RXRA: variants seen among roughly 807,000 people sequenced by gnomAD.
The protein encoded by RXRA is retinoid X receptor alpha.
A neutral mutation model predicts 44.5 loss-of-function variants in RXRA; 5 were observed. The ratio of observed to expected loss-of-function variants is 0.11; its 90% CI spans 0.06 to 0.24. The LOEUF is 0.24. RXRA is among the 10% of genes least tolerant of loss of function. The probability of loss-of-function intolerance (pLI) is 1.00; values close to 1 mark genes in which losing one functional copy is unlikely to be tolerated. For missense variants in RXRA, 412 were observed against 646.5 expected, an observed-to-expected ratio of 0.64 and a Z score of 3.93; for synonymous variants, 291 against 271.4, an observed-to-expected ratio of 1.07 and a Z score of -0.71.
chr9:134,420,188 C>T (rs1002429459), intron 5 of RXRA, among the ~76,000 whole-genome samples: 2 of 152,236 alleles, frequency 1.3e-5, no homozygotes, highest in Admixed American at 1.3e-4. Context: ...CCCTGCCAGG[C>T]CTGCTTCATC....
intron 1 of RXRA, among the ~76,000 whole-genome samples, chr9:134,335,492 AG>A (rs1401803130): frequency 6.6e-6 from 1 of 152,166 alleles, no homozygotes; most frequent in Non-Finnish European, 1.5e-5. Context: ...GGGCGTAAGT[AG>A]GGGCTTCCCT....
chr9:134,378,712 G>C (rs1025059036), intron 1 of RXRA, among the ~76,000 whole-genome samples: 1 of 152,174 alleles, frequency 6.6e-6, no homozygotes, highest in Non-Finnish European at 1.5e-5. Context: ...TGGGCAGCGC[G>C]TGCCGTCCGG....
chr9:134,368,875 ATG>A (rs1377347555), intron 1 of RXRA, among the ~76,000 whole-genome samples: 2 of 83,910 alleles, frequency 2.4e-5, no homozygotes, highest in Non-Finnish European at 4.4e-5. Context: ...TGCAGGGGTT[ATG>A]TGTGTGAGTG....
intron 1 of RXRA, among the ~76,000 whole-genome samples, chr9:134,348,935 T>C (rs1047150918): frequency 2.6e-5 from 4 of 152,232 alleles, no homozygotes; most frequent in Admixed American, 2.0e-4. Flanking sequence ...ACACCAGCTC[T>C]GTACCACCTG....
At chr9:134,396,062 A>G (rs1018045913) in intron 1 of RXRA, among the ~76,000 whole-genome samples, 1 of 152,066 alleles carries the variant, frequency 6.6e-6, no homozygotes, top group Non-Finnish European at 1.5e-5. Flanking sequence ...CGTAGGGCCC[A>G]TCTTCAACAA....
chr9:134,420,871 C>G (rs1458753295), intron 5 of RXRA, among the ~76,000 whole-genome samples: 1 of 152,226 alleles, frequency 6.6e-6, no homozygotes, highest in Non-Finnish European at 1.5e-5. Context: ...TGAATGGCCC[C>G]CTTCCGGCTA....
chr9:134,354,365 G>A (rs540473618), intron 1 of RXRA, among the ~76,000 whole-genome samples: 81 of 152,346 alleles, frequency 5.3e-4, no homozygotes, highest in African/African-American at 1.8e-3. Context: ...TGGCTCTTCT[G>A]GGTCCCCCTC....
chr9:134,430,864 T>G (rs35180144), intron 7 of RXRA, among the ~76,000 whole-genome samples: 11,634 of 152,300 alleles, frequency 0.076, 448 homozygotes, highest in South Asian at 0.097. Context: ...TTTCCTCGCC[T>G]TTTTTGCGAG....
intron 1 of RXRA, among the ~76,000 whole-genome samples, chr9:134,376,407 CG>C (rs1830558184): frequency 6.6e-6 from 1 of 152,204 alleles, no homozygotes; most frequent in Admixed American, 6.5e-5. Flanking sequence ...CATTCCTTCG[CG>C]GGGGCAGAGG....
At chr9:134,396,447 G>A (rs1830880591) in intron 1 of RXRA, among the ~76,000 whole-genome samples, 2 of 152,150 alleles carry the variant, frequency 1.3e-5, no homozygotes, top group East Asian at 1.9e-4. Context: ...GGTGGGGGCT[G>A]GAGGTGGGTG....
chr9:134,326,611 G>C lies in RXRA; in HGVS notation c.-21G>C. The C allele has an allele frequency of 1.0e-6, 1 of 958,228 alleles. No individual in the cohort carries two copies. Among genetic ancestry groups the C allele is most frequent in the Non-Finnish European group, 1.2e-6 (1 of 809,998 alleles). 59.4% of individuals were successfully genotyped at this position (958,228 alleles called of 1,614,324 possible). ...CCGCCCGCTGCCTGCGCCGCCGGCC[G>C]GGCATGAGTTAGTCGCAGACATGGA... On this transcript the variant is annotated 5_prime_UTR_variant, in exon 1 of 10. Coordinates refer to ENST00000481739, the MANE Select transcript of RXRA (RefSeq NM_002957.6).
In RXRA at chr9:134,434,163, C is replaced by G; in HGVS notation, c.1197C>G (p.Ser399=). ...CGCTGAGGGAGAAGGTCTATGCGTC[C>G]TTGGAGGCCTACTGCAAGCACAAGT... ...VEALREKVYA[S]LEAYCKHKYP... The change falls in exon 9 of 10, where the codon TCC becomes TCG. Residue 399 remains serine, a synonymous_variant. Coordinates refer to ENST00000481739, the MANE Select transcript of RXRA (RefSeq NM_002957.6). 6.2e-7 allele frequency: 1 copy of G among 1,613,862 alleles called. No homozygotes were observed. Among genetic ancestry groups the G allele is most frequent in the Non-Finnish European group, 8.5e-7 (1 of 1,179,898 alleles).
rs141695350 is a variant in RXRA at position 134,431,550 on chromosome 9, G to A, written c.1044-355G>A. Among the ~76,000 whole-genome samples, 5 of 152,322 alleles carry A rather than the reference G, an allele frequency of 3.3e-5. No homozygotes were observed. In the East Asian group the frequency reaches 9.7e-4, roughly 29 times the overall value. The stretch of plus-strand genomic sequence containing the variant: ...GACAGTGGTGTGTCTCACTGGGTTC[G>A]GGAGGGGTGGACTCTGTGCCCTCTG... On this transcript the variant is annotated intron_variant, in intron 7 of 9. Coordinates refer to ENST00000481739, the MANE Select transcript of RXRA (RefSeq NM_002957.6).
chr9:134,422,788 C>G (rs1470424902), intron 6 of RXRA: 4 of 985,350 alleles, frequency 4.1e-6, no homozygotes, highest in Non-Finnish European at 2.4e-6. Context: ...CATGCGGGGT[C>G]TCTCAGTGGC....
chr9:134,393,230 G>A (rs1337544197), intron 1 of RXRA, among the ~76,000 whole-genome samples: 1 of 151,532 alleles, frequency 6.6e-6, no homozygotes, highest in Non-Finnish European at 1.5e-5. Flanking sequence ...TAGCACTGGG[G>A]CACACACAGG....
chr9:134,342,435 C>T lies in RXRA; in HGVS notation c.28+15776C>T, dbSNP rs1830096885. Among the ~76,000 whole-genome samples the T allele has an allele frequency of 6.6e-6, 1 of 152,194 alleles. No individual in the cohort carries two copies. The highest frequency in any genetic ancestry group is 2.4e-5 in the African/African-American group (1 of 41,448). On this transcript the variant is annotated intron_variant, in intron 1 of 9. Coordinates refer to ENST00000481739, the MANE Select transcript of RXRA (RefSeq NM_002957.6). The surrounding 1 kb of genome is among the most constrained non-coding windows in gnomAD (Gnocchi z 4.4). The stretch of plus-strand genomic sequence containing the variant: ...TGGAGGGGCCGATCCTTGCCCTTTC[C>T]CTGCCAGGAAACTGAGGCACAGAGA...
At chr9:134,369,522 T>TG (rs1325552247) in intron 1 of RXRA, among the ~76,000 whole-genome samples, 3 of 51,988 alleles carry the variant, frequency 5.8e-5, no homozygotes, top group Non-Finnish European at 1.2e-4. Context: ...TGCGTGTGTG[T>TG]GGGGGGGTTA....
In RXRA at chr9:134,337,936, G is replaced by A. The variant is rs113961456; in HGVS notation, c.28+11277G>A. Among the ~76,000 whole-genome samples, 983 of 152,320 alleles carry A rather than the reference G, an allele frequency of 6.5e-3. 10 individuals carry two copies. Among genetic ancestry groups the A allele is most frequent in the African/African-American group, 0.022 (918 of 41,560 alleles). ...GGCCGCGTGCCAGCCCTGAGAGGTG[G>A]CGGGGGAGAGATGGGTGACTGCGCC... is the stretch of plus-strand genomic sequence containing the variant. On this transcript the variant is annotated intron_variant, in intron 1 of 9. Coordinates refer to ENST00000481739, the MANE Select transcript of RXRA (RefSeq NM_002957.6).
intron 1 of RXRA, among the ~76,000 whole-genome samples, chr9:134,363,162 G>T (rs1022150940): frequency 6.6e-6 from 1 of 152,192 alleles, no homozygotes; most frequent in African/African-American, 2.4e-5. Flanking sequence ...TGTGCCTGTT[G>T]GATGCCACGT....
Sources: gnomAD v4.1 joint callset for allele counts (sites outside exome capture counted in the v4.1 genomes callset) on GRCh38, gnomAD v4.1.1 for gene constraint, Gnocchi (gnomAD v3.1) non-coding constraint, MANE v1.5 for transcripts, NCBI Gene and HGNC (gene_info 2026-07-23, HGNC 2026-07-21) for gene names.